SP110: variants seen among roughly 807,000 people sequenced by gnomAD.
SP110 encodes SP110 nuclear body protein.
In SP110, 62 loss-of-function variants were observed where a neutral mutation model predicts 92.7. The ratio of observed to expected loss-of-function variants is 0.67; its 90% CI spans 0.55 to 0.83. The LOEUF is 0.83. SP110 is among the 40% of genes least tolerant of loss of function. The pLI is 0.00. For synonymous variants in SP110, 273 were observed against 305.3 expected (o/e 0.89, Z 1.10); for missense variants, 793 against 863.9 (o/e 0.92, Z 1.03).
At chr2:230,219,054 G>C (rs1262671535) in intron 1 of SP110, among the ~76,000 whole-genome samples, 1 of 152,120 alleles carries the variant, frequency 6.6e-6, no homozygotes, top group Non-Finnish European at 1.5e-5. Flanking sequence ...GTGAAACCCT[G>C]TCTCTACTAA....
upstream of SP110, among the ~76,000 whole-genome samples, chr2:230,222,840 G>GTTTTTT (rs35018428): frequency 2.3e-5 from 3 of 128,940 alleles, no homozygotes; most frequent in Non-Finnish European, 3.3e-5. Context: ...GTGTATTAAA[G>GTTTTTT]TTTTTTTTTT....
At chr2:230,172,228 C>T in intron 15 of SP110, 54 bp from the exon 16 acceptor site, 1 of 1,107,776 alleles carries the variant, frequency 9.0e-7, no homozygotes, top group Non-Finnish European at 1.4e-6. Flanking sequence ...AAATGGCCAC[C>T]ATTCCTGTGG....
chr2:230,214,840 C>A, intron 3 of SP110, 110 bp downstream of exon 3: 1 of 908,250 alleles, frequency 1.1e-6, no homozygotes, highest in Non-Finnish European at 1.8e-6. Context: ...CATTCCACCC[C>A]AGAGAGAAGG....
At chr2:230,182,848 T>C (rs1377552649) in intron 12 of SP110, among the ~76,000 whole-genome samples, 2 of 152,238 alleles carry the variant, frequency 1.3e-5, no homozygotes, top group Non-Finnish European at 2.9e-5. Context: ...TCAGAATCAA[T>C]GCACTGCTGT....
At chr2:230,178,073 T>C in intron 13 of SP110, 84 bp downstream of exon 13, 1 of 843,392 alleles carries the variant, frequency 1.2e-6, no homozygotes, top group Non-Finnish European at 2.0e-6. Flanking sequence ...CATTTCCTGA[T>C]CAATTACACA....
upstream of SP110, among the ~76,000 whole-genome samples, chr2:230,220,962 T>C (rs1051294113): frequency 3.3e-5 from 5 of 151,576 alleles, no homozygotes; most frequent in Non-Finnish European, 5.9e-5. Context: ...CGGTGAGCTA[T>C]GATTGCACCA....
chr2:230,209,007 G>A (rs1475268055), intron 7 of SP110, among the ~76,000 whole-genome samples: 2 of 152,182 alleles, frequency 1.3e-5, no homozygotes, highest in Non-Finnish European at 2.9e-5. Flanking sequence ...TCCAAATGAG[G>A]TTGAAGGACA....
chr2:230,173,077 T>A, intron 14 of SP110, 118 bp from the exon 15 acceptor site: 3 of 717,772 alleles, frequency 4.2e-6, no homozygotes, highest in African/African-American at 1.7e-5. Context: ...CAAACCCAAT[T>A]TTTGATGGGG....
intron 10 of SP110, among the ~76,000 whole-genome samples, chr2:230,194,582 C>T (rs569138438): frequency 6.6e-6 from 1 of 152,278 alleles, no homozygotes; most frequent in East Asian, 1.9e-4. Flanking sequence ...TCTTATTCTG[C>T]AAGTAACACA....
chr2:230,185,018 T>A (rs1279256452), intron 11 of SP110, among the ~76,000 whole-genome samples: 1 of 152,210 alleles, frequency 6.6e-6, no homozygotes, highest in Non-Finnish European at 1.5e-5. Context: ...AGTAGTTGCA[T>A]CTTCTGGTCC....
rs1319613886 is a variant in SP110 at position 230,165,457 on chromosome 2, C to A, written c.*3667G>T. ...AAAATACAGGTTATCACGTAACACA[C>A]ACTTTTAATTTTTGCTTTTGAATTA... On this transcript the variant is annotated 3_prime_UTR_variant, in exon 19 of 19. Transcript: ENST00000258381. 1.3e-5 allele frequency among the ~76,000 whole-genome samples: 2 copies of A among 152,188 alleles called. No individual in the cohort carries two copies. Among genetic ancestry groups the A allele is most frequent in the Non-Finnish European group, 2.9e-5 (2 of 68,042 alleles).
At chr2:230,218,409 G>C (rs1191038065) in intron 1 of SP110, among the ~76,000 whole-genome samples, 1 of 152,180 alleles carries the variant, frequency 6.6e-6, no homozygotes, top group Non-Finnish European at 1.5e-5. Flanking sequence ...TTGAGAGTCT[G>C]TGGTGGTAAA....
intron 12 of SP110, among the ~76,000 whole-genome samples, chr2:230,181,693 A>G (rs2042134280): frequency 6.6e-6 from 1 of 152,260 alleles, no homozygotes; most frequent in African/African-American, 2.4e-5. Flanking sequence ...CAATAAAGAT[A>G]TGAAAAAAAG....
chr2:230,168,898 T>G lies in SP110; in HGVS notation c.*226A>C, dbSNP rs2078355253. ...ATGTGAACTATGATGGGGTATCTGA[T>G]GGTATTAAGGAAGTATTAATTTTTT... On this transcript the variant is annotated 3_prime_UTR_variant, in exon 19 of 19. Transcript: ENST00000258381. The G allele has an allele frequency of 2.2e-6, 1 of 446,712 alleles. No homozygotes were observed. The allele number at this position is 446,712 out of a possible 1,614,324, so 27.7% of individuals were successfully genotyped here.
chr2:230,170,307 C>T lies in SP110; in HGVS notation c.2028+314G>A, dbSNP rs539548984. ...GGAAGAACAATGTAGGCATAAACTG[C>T]CTTTCCTTCCAGTTTGAACAAAGAG... On this transcript the variant is annotated intron_variant, in intron 18 of 18. Transcript: ENST00000258381. Among the ~76,000 whole-genome samples, 74 of 151,972 alleles carry T rather than the reference C, an allele frequency of 4.9e-4. 1 individual carries two copies. Among genetic ancestry groups the T allele is most frequent in the Non-Finnish European group, 9.0e-4 (61 of 67,970 alleles).
At chr2:230,191,583 G>A (rs2042634431) in intron 10 of SP110, among the ~76,000 whole-genome samples, 1 of 152,130 alleles carries the variant, frequency 6.6e-6, no homozygotes, top group African/African-American at 2.4e-5. Context: ...ACTAAACCAG[G>A]AAGAAGTTGA....
intron 16 of SP110, 117 bp from the exon 17 acceptor site, chr2:230,171,884 G>T: frequency 2.3e-6 from 2 of 887,252 alleles, no homozygotes; most frequent in Non-Finnish European, 3.8e-6. Context: ...TTCCAGCCAT[G>T]CTTCCCAAGG....
intron 3 of SP110, among the ~76,000 whole-genome samples, chr2:230,214,545 G>C (rs991429950): frequency 1.3e-5 from 2 of 152,148 alleles, no homozygotes; most frequent in Non-Finnish European, 2.9e-5. Context: ...AAGTGTTTGC[G>C]ATAAGGCACC....
chr2:230,177,516 A>T, intron 14 of SP110, 22 bp downstream of exon 14: 1 of 1,612,946 alleles, frequency 6.2e-7, no homozygotes, highest in Non-Finnish European at 8.5e-7. Context: ...CCTGTCACCT[A>T]TCTGTCCCGT....
Sources: allele counts gnomAD v4.1 joint callset (sites outside exome capture counted in the v4.1 genomes callset), GRCh38; gene constraint gnomAD v4.1.1; transcripts MANE v1.5; gene names NCBI Gene and HGNC (gene_info 2026-07-23, HGNC 2026-07-21).